RBFOX1: variants seen among roughly 807,000 people sequenced by gnomAD.
RBFOX1 encodes RNA binding protein fox-1 homolog 1.
A neutral mutation model predicts 57.7 loss-of-function variants in RBFOX1; 8 were observed. The observed-to-expected ratio is 0.14, with a 90% confidence interval of 0.08 to 0.25. The LOEUF is 0.25. Among genes scored for constraint, RBFOX1 ranks in the 10% least tolerant of loss-of-function variants. RBFOX1 has a pLI of 1.00. For synonymous variants in RBFOX1, 326 were observed against 222.4 expected (o/e 1.47, Z -4.15); for missense variants, 611 against 548.5 (o/e 1.11, Z -1.14).
At position 5,696,438 on chromosome 16, in the gene RBFOX1, AT is replaced by A. The variant is rs2050844281; in HGVS notation, c.318+97482del. 2.0e-5 allele frequency among the ~76,000 whole-genome samples: 3 copies of A among 152,272 alleles called. No homozygotes were observed. The South Asian group carries it at 6.2e-4, about 32-fold the overall frequency. On this transcript the variant is annotated intron_variant, in intron 3 of 19. Transcript: ENST00000641259. ...TGGTGGACATTCAGGTTATTTACATATTTTTACTTATTCAAGGCTGTAAGAA... is the reference window on the plus strand; with the variant it reads ...TGGTGGACATTCAGGTTATTTACATATTTTACTTATTCAAGGCTGTAAGAA...
At chr16:5,764,870 C>G (rs1051879604) in intron 3 of RBFOX1, among the ~76,000 whole-genome samples, 2 of 152,106 alleles carry the variant, frequency 1.3e-5, no homozygotes, top group African/African-American at 4.8e-5. Flanking sequence ...TGTATATGGC[C>G]TTTTATTCAG....
intron 1 of RBFOX1, among the ~76,000 whole-genome samples, chr16:5,432,409 A>G (rs1255276198): frequency 1.3e-5 from 2 of 152,118 alleles, no homozygotes; most frequent in Non-Finnish European, 1.5e-5. Context: ...TAATTTAACT[A>G]GAAGACGCAC....
intron 4 of RBFOX1, among the ~76,000 whole-genome samples, chr16:7,346,134 G>A (rs954056006): frequency 3.3e-5 from 5 of 152,204 alleles, no homozygotes; most frequent in South Asian, 2.1e-4. Flanking sequence ...AGCTTCATCC[G>A]TGTCCCTACA....
intron 3 of RBFOX1, among the ~76,000 whole-genome samples, chr16:6,940,763 AGTGTGTGTGTGTGTGTGT>A (rs61349150): frequency 3.5e-4 from 40 of 114,472 alleles, no homozygotes; most frequent in African/African-American, 7.2e-4. Context: ...ATGTCCCGCT[AGTGTGTGTGTGTGTGTGT>A]GTGTGTGTGT....
chr16:6,727,734 C>A (rs774328107), intron 3 of RBFOX1, among the ~76,000 whole-genome samples: 3 of 152,158 alleles, frequency 2.0e-5, no homozygotes, highest in African/African-American at 7.2e-5. Context: ...GTGAGTCTCT[C>A]CATGAAGTAC....
intron 2 of RBFOX1, among the ~76,000 whole-genome samples, chr16:6,649,227 C>T (rs540226555): frequency 6.6e-6 from 1 of 152,306 alleles, no homozygotes. Context: ...TTCAACTTAA[C>T]ACAGTGTTCT....
chr16:7,254,498 CTT>C (rs72529074), intron 4 of RBFOX1, among the ~76,000 whole-genome samples: 4 of 150,864 alleles, frequency 2.7e-5, no homozygotes, highest in Admixed American at 2.6e-4. Flanking sequence ...CTCTCTCTCT[CTT>C]TTTTTTTATC....
At chr16:6,497,559 T>C in intron 2 of RBFOX1, among the ~76,000 whole-genome samples, 1 of 133,048 alleles carries the variant, frequency 7.5e-6, no homozygotes, top group South Asian at 2.3e-4. Context: ...TTTTGAAGTT[T>C]TTAAAAAAAA....
At chr16:7,003,176 C>A (rs1179100578) in intron 3 of RBFOX1, among the ~76,000 whole-genome samples, 1 of 151,946 alleles carries the variant, frequency 6.6e-6, no homozygotes, top group South Asian at 2.1e-4. Context: ...AAAGGAGTTT[C>A]TGGGCCAGGC....
chr16:6,913,118 G>A (rs1026367686), intron 3 of RBFOX1, among the ~76,000 whole-genome samples: 20 of 152,110 alleles, frequency 1.3e-4, no homozygotes, highest in African/African-American at 4.3e-4. Flanking sequence ...CCACCAGGCC[G>A]CTGGGAGGCT....
chr16:5,858,047 G>T (rs190115236), intron 3 of RBFOX1, among the ~76,000 whole-genome samples: 4 of 152,242 alleles, frequency 2.6e-5, no homozygotes, highest in African/African-American at 7.2e-5. Flanking sequence ...AGAGGTATGA[G>T]GTCAGTGGAA....
chr16:6,450,833 AT>A, intron 2 of RBFOX1, among the ~76,000 whole-genome samples: 1 of 35,038 alleles, frequency 2.9e-5, no homozygotes, highest in South Asian at 7.5e-4. Flanking sequence ...ATATATATAT[AT>A]ATGTGTATAT....
rs542752503 is a variant in RBFOX1 at position 7,377,287 on chromosome 16, A to T, written c.28-140860A>T. Among the ~76,000 whole-genome samples the T allele has an allele frequency of 3.3e-5, 5 of 152,332 alleles. No individual in the cohort carries two copies. In the East Asian group the frequency reaches 5.8e-4, roughly 18 times the overall value. ...TGCTCCTGGAGCAGATGATACTGGG[A>T]CACAGGTGGTCCGTATCACCCACGT... On this transcript the variant is annotated intron_variant, in intron 4 of 15. Coordinates refer to ENST00000550418, the MANE Select transcript of RBFOX1 (RefSeq NM_018723.4).
chr16:7,695,385 C>G (rs1337460121), intron 14 of RBFOX1, among the ~76,000 whole-genome samples: 4 of 115,680 alleles, frequency 3.5e-5, no homozygotes, highest in South Asian at 3.2e-4. Flanking sequence ...AGGGCATCAT[C>G]TCCTACATGC....
At chr16:5,350,925 G>A (rs964944559) in intron 1 of RBFOX1, among the ~76,000 whole-genome samples, 8 of 152,112 alleles carry the variant, frequency 5.3e-5, no homozygotes, top group African/African-American at 1.9e-4. Context: ...TCGCAGGGTT[G>A]TGAAGAGGAA....
chr16:7,081,895 G>T (rs2059259506), intron 4 of RBFOX1, among the ~76,000 whole-genome samples: 1 of 152,152 alleles, frequency 6.6e-6, no homozygotes, highest in South Asian at 2.1e-4. Context: ...CTTCCAGGCA[G>T]TGGAGTTTGG....
At chr16:5,554,317 C>G (rs775712602) in intron 2 of RBFOX1, among the ~76,000 whole-genome samples, 37 of 151,930 alleles carry the variant, frequency 2.4e-4, no homozygotes, top group Admixed American at 1.2e-3. Context: ...AGCATAAAAC[C>G]TAAAATAATT....
At chr16:6,840,219 GTCTT>G (rs1172728367) in intron 3 of RBFOX1, among the ~76,000 whole-genome samples, 1 of 152,114 alleles carries the variant, frequency 6.6e-6, no homozygotes, top group Non-Finnish European at 1.5e-5. Context: ...CTAAAAAGAG[GTCTT>G]TCTTTCTTTA....
At chr16:5,889,619 G>A (rs942642236) in intron 4 of RBFOX1, among the ~76,000 whole-genome samples, 1 of 152,188 alleles carries the variant, frequency 6.6e-6, no homozygotes, top group Non-Finnish European at 1.5e-5. Context: ...GGGCACTGAG[G>A]ATGCAGGACA....
Sources: allele counts gnomAD v4.1 joint callset (sites outside exome capture counted in the v4.1 genomes callset), GRCh38; gene constraint gnomAD v4.1.1; transcripts MANE v1.5; gene names NCBI Gene and HGNC (gene_info 2026-07-23, HGNC 2026-07-21).